Variants in SSBP3 observed in about 807,000 individuals in gnomAD.
SSBP3 encodes single-stranded DNA-binding protein 3.
SSBP3 carries 5 observed loss-of-function variants against 69.6 expected under a neutral mutation model. The ratio of observed to expected loss-of-function variants is 0.07; its 90% confidence interval spans 0.04 to 0.15. The LOEUF is 0.15. Ranked by LOEUF, SSBP3 falls within the 10% of genes least tolerant of loss-of-function variation. The pLI is 1.00. For missense variants in SSBP3, 312 were observed against 534.0 expected (o/e 0.58, Z 4.10); for synonymous variants, 196 against 193.4 (o/e 1.01, Z -0.11).
At chr1:54,325,992 T>C (rs1335394115) in intron 4 of SSBP3, among the ~76,000 whole-genome samples, 3 of 137,826 alleles carry the variant, frequency 2.2e-5, no homozygotes, top group Admixed American at 1.4e-4. Flanking sequence ...CACACCTTCA[T>C]GTGATGGCTT....
At chr1:54,393,145 A>G (rs1187827067) in intron 4 of SSBP3, among the ~76,000 whole-genome samples, 2 of 152,244 alleles carry the variant, frequency 1.3e-5, no homozygotes, top group Non-Finnish European at 2.9e-5. Context: ...GAAAATGGAC[A>G]GTGATGGGGC....
chr1:54,272,488 T>TA (rs1170938104), intron 5 of SSBP3, among the ~76,000 whole-genome samples: 86 of 148,064 alleles, frequency 5.8e-4, no homozygotes, highest in South Asian at 1.3e-3. Flanking sequence ...ACCTTTTTTT[T>TA]AAAAAAAAAA....
At chr1:54,396,364 A>T (rs1648887566) in intron 4 of SSBP3, among the ~76,000 whole-genome samples, 1 of 152,134 alleles carries the variant, frequency 6.6e-6, no homozygotes, top group African/African-American at 2.4e-5. Flanking sequence ...AAGCTAAAAA[A>T]GATTAATTTT....
intron 4 of SSBP3, among the ~76,000 whole-genome samples, chr1:54,398,931 G>A (rs142067743): frequency 1.3e-5 from 2 of 152,072 alleles, no homozygotes; most frequent in Admixed American, 6.6e-5. Context: ...AAAACAGAAG[G>A]TCAGTCAACA....
intron 4 of SSBP3, among the ~76,000 whole-genome samples, chr1:54,393,853 G>A (rs781518728): frequency 2.6e-5 from 4 of 152,000 alleles, no homozygotes; most frequent in Non-Finnish European, 5.9e-5. Flanking sequence ...TCCACCTCCC[G>A]GGTTCAAACT....
At chr1:54,324,341 A>C (rs935849055) in intron 4 of SSBP3, among the ~76,000 whole-genome samples, 5 of 152,234 alleles carry the variant, frequency 3.3e-5, no homozygotes, top group Admixed American at 2.6e-4. Flanking sequence ...AGTCCTTGGC[A>C]CAGCCCCAGC....
chr1:54,299,330 G>T (rs769831070), intron 4 of SSBP3, among the ~76,000 whole-genome samples: 1 of 152,086 alleles, frequency 6.6e-6, no homozygotes, highest in Non-Finnish European at 1.5e-5. Context: ...AAACAAAGGC[G>T]GCAGTCACGG....
rs1644349110 is a variant in SSBP3 at position 54,229,693 on chromosome 1, TGAG to T, written c.928-870_928-868del. Among the ~76,000 whole-genome samples the T allele has an allele frequency of 2.6e-5, 4 of 152,132 alleles. No homozygotes were observed. The South Asian group carries it at 8.3e-4, about 32-fold the overall frequency. ...AGTCACGGGGCTGGGGAGGGGCGGCTGAGCCCAGCCTGGAGCGCCAAGGCCCTG... is the reference window on the plus strand; with the variant it reads ...AGTCACGGGGCTGGGGAGGGGCGGCTCCCAGCCTGGAGCGCCAAGGCCCTG... On this transcript the variant is annotated intron_variant, in intron 14 of 17. Coordinates refer to ENST00000610401, the Ensembl canonical transcript of SSBP3.
At chr1:54,277,511 T>C (rs954610768) in intron 5 of SSBP3, among the ~76,000 whole-genome samples, 1 of 152,230 alleles carries the variant, frequency 6.6e-6, no homozygotes, top group Admixed American at 6.5e-5. Context: ...GTTTAGACTC[T>C]GATTACAGCC....
intron 4 of SSBP3, among the ~76,000 whole-genome samples, chr1:54,363,205 C>T (rs541462874): frequency 1.2e-4 from 18 of 152,126 alleles, no homozygotes; most frequent in Non-Finnish European, 2.4e-4. Context: ...AGACACTGCT[C>T]ATCACAGCCA....
intron 4 of SSBP3, among the ~76,000 whole-genome samples, chr1:54,297,451 G>A (rs1645722195): frequency 1.3e-5 from 2 of 152,204 alleles, no homozygotes; most frequent in South Asian, 4.1e-4. Context: ...CCAACATGGT[G>A]AAACCCCCCT....
intron 4 of SSBP3, among the ~76,000 whole-genome samples, chr1:54,312,995 T>C (rs1453332078): frequency 6.7e-6 from 1 of 148,766 alleles, no homozygotes; most frequent in Non-Finnish European, 1.5e-5. Context: ...GAGGTGGCCC[T>C]GAGCCTGCCC....
intron 4 of SSBP3, among the ~76,000 whole-genome samples, chr1:54,320,962 A>G (rs1471860266): frequency 1.3e-5 from 2 of 152,212 alleles, no homozygotes; most frequent in East Asian, 3.9e-4. Context: ...TGGGAAAATA[A>G]CCTGGAGCTC....
intron 4 of SSBP3, among the ~76,000 whole-genome samples, chr1:54,370,092 G>C (rs1647103196): frequency 1.3e-5 from 2 of 151,892 alleles, no homozygotes; most frequent in Non-Finnish European, 2.9e-5. Flanking sequence ...TCCTCTTCAG[G>C]GTCACCACCT....
At chr1:54,344,173 GA>G (rs573349884) in intron 4 of SSBP3, among the ~76,000 whole-genome samples, 1 of 150,366 alleles carries the variant, frequency 6.7e-6, no homozygotes, top group African/African-American at 2.4e-5. Context: ...AAACGTTGAG[GA>G]AAAAAAAAGT....
intron 5 of SSBP3, among the ~76,000 whole-genome samples, chr1:54,261,712 GA>G (rs1164658298): frequency 6.6e-6 from 1 of 152,222 alleles, no homozygotes; most frequent in Non-Finnish European, 1.5e-5. Context: ...CTCCCTCCAT[GA>G]GAGCTGGATG....
chr1:54,358,830 T>C (rs1646908847), intron 4 of SSBP3, among the ~76,000 whole-genome samples: 1 of 151,942 alleles, frequency 6.6e-6, no homozygotes, highest in Non-Finnish European at 1.5e-5. Context: ...TTAGGTAAGG[T>C]TGGGGATTAA....
chr1:54,356,566 A>G (rs1646870150), intron 4 of SSBP3: 1 of 152,152 alleles, frequency 6.6e-6, no homozygotes, highest in Non-Finnish European at 1.5e-5. Flanking sequence ...GCCGGGAGCT[A>G]GGCGGCGGGG....
At chr1:54,365,079 G>A (rs916987786) in intron 4 of SSBP3, among the ~76,000 whole-genome samples, 2 of 152,230 alleles carry the variant, frequency 1.3e-5, no homozygotes, top group Admixed American at 1.3e-4. Flanking sequence ...AGGAGGGTCA[G>A]CAACAAGACA....
Sources: gnomAD v4.1 joint callset for allele counts (sites outside exome capture counted in the v4.1 genomes callset) on GRCh38, gnomAD v4.1.1 for gene constraint, MANE v1.5 for transcripts, NCBI Gene and HGNC (gene_info 2026-07-23, HGNC 2026-07-21) for gene names.